CADPS2: variants seen among roughly 807,000 people sequenced by gnomAD.
CADPS2 encodes the protein calcium-dependent secretion activator 2.
CADPS2 carries 93 observed loss-of-function variants against 172.5 expected under a neutral mutation model. That is an observed-to-expected ratio of 0.54 (90% CI 0.46 to 0.64). CADPS2 has a LOEUF of 0.64. CADPS2 is among the 30% of genes least tolerant of loss of function. The probability of loss-of-function intolerance (pLI) is 0.00; values close to 1 mark genes in which losing one functional copy is unlikely to be tolerated. For missense variants in CADPS2, 1,420 were observed against 1,565.9 expected, an observed-to-expected ratio of 0.91 and a Z score of 1.57; for synonymous variants, 546 against 555.2, an observed-to-expected ratio of 0.98 and a Z score of 0.23.
intron 3 of CADPS2, among the ~76,000 whole-genome samples, chr7:122,654,424 G>A (rs1159975870): frequency 6.6e-6 from 1 of 152,130 alleles, no homozygotes; most frequent in Non-Finnish European, 1.5e-5. Context: ...TCTTGTTAGT[G>A]GCTAATGAAG....
rs752720281 is a variant in CADPS2, at chr7:122,451,491, GAATC to G, written c.2187-20_2187-17del. ...TCCATCAGGCCTGAAAAAAAAATCA[GAATC>G]AATAATTCATATTGATCGAACATTT... On this transcript the variant is annotated splice_polypyrimidine_tract_variant and intron_variant, in intron 14 of 29. Transcript: ENST00000449022. 2.8e-6 allele frequency: 4 copies of G among 1,408,410 alleles called. No individual in the cohort carries two copies. Among genetic ancestry groups the G allele is most frequent in the African/African-American group, 1.5e-5 (1 of 68,676 alleles). 87.2% of individuals were successfully genotyped at this position (1,408,410 alleles called of 1,614,324 possible).
chr7:122,386,193 A>G (rs2043644413), intron 24 of CADPS2: 3 of 856,248 alleles, frequency 3.5e-6, no homozygotes, highest in Non-Finnish European at 5.0e-6. Context: ...CTGAAAATAA[A>G]TTTATATAAT....
At chr7:122,327,477 C>T (rs570274561) in intron 28 of CADPS2, among the ~76,000 whole-genome samples, 4 of 151,990 alleles carry the variant, frequency 2.6e-5, no homozygotes, top group Admixed American at 6.6e-5. Flanking sequence ...ATATATTTTA[C>T]GAAGCCTAAC....
rs914017890 is a variant in CADPS2, at chr7:122,880,586, G to A, written c.339+5413C>T. On this transcript the variant is annotated intron_variant, in intron 1 of 29. Coordinates refer to ENST00000449022, the MANE Select transcript of CADPS2 (RefSeq NM_017954.11). ...TCTATATCTTCTCTTTAGAACAGCG[G>A]TTCTCAACCTTGACTGTACACTGAA... Among the ~76,000 whole-genome samples the A allele has an allele frequency of 5.3e-5, 8 of 152,210 alleles. No individual in the cohort carries two copies. In the East Asian group the frequency reaches 1.5e-3, roughly 29 times the overall value.
intron 1 of CADPS2, among the ~76,000 whole-genome samples, chr7:122,739,338 T>C (rs1036947179): frequency 2.0e-5 from 3 of 152,220 alleles, no homozygotes; most frequent in Non-Finnish European, 4.4e-5. Context: ...ACTGTGTATT[T>C]TTTCATTCAA....
intron 24 of CADPS2, among the ~76,000 whole-genome samples, chr7:122,380,529 G>A (rs1253987661): frequency 6.6e-6 from 1 of 151,576 alleles, no homozygotes; most frequent in Non-Finnish European, 1.5e-5. Flanking sequence ...CATCAACTTA[G>A]GTCTGCTTTG....
At chr7:122,425,784 A>T (rs1019358145) in intron 17 of CADPS2, among the ~76,000 whole-genome samples, 5 of 152,192 alleles carry the variant, frequency 3.3e-5, no homozygotes, top group Admixed American at 2.6e-4. Context: ...TCAAATACTG[A>T]ATCACATAAA....
intron 1 of CADPS2, among the ~76,000 whole-genome samples, chr7:122,765,326 C>CTGTATT (rs1278442403): frequency 6.6e-6 from 1 of 152,054 alleles, no homozygotes; most frequent in Non-Finnish European, 1.5e-5. Context: ...TACTGCTGAC[C>CTGTATT]TGTATTTTTA....
At chr7:122,885,196 G>A (rs1824009772) in intron 1 of CADPS2, among the ~76,000 whole-genome samples, 1 of 152,162 alleles carries the variant, frequency 6.6e-6, no homozygotes. Context: ...GGCCCCTGGG[G>A]TCTTGTTTTG....
chr7:122,868,642 T>C (rs891934823), intron 1 of CADPS2, among the ~76,000 whole-genome samples: 1 of 152,138 alleles, frequency 6.6e-6, no homozygotes, highest in Non-Finnish European at 1.5e-5. Flanking sequence ...TCTTATCTAA[T>C]GCACAGAAAC....
chr7:122,831,250 G>A (rs567503557), intron 1 of CADPS2, among the ~76,000 whole-genome samples: 1 of 152,290 alleles, frequency 6.6e-6, no homozygotes, highest in South Asian at 2.1e-4. Flanking sequence ...CAAGAAAGGT[G>A]TAAGCAACTA....
At position 122,547,242 on chromosome 7, in the gene CADPS2, C is replaced by T. The variant is rs1000921292; in HGVS notation, c.1475+7308G>A. Among the ~76,000 whole-genome samples the T allele has an allele frequency of 3.9e-5, 6 of 152,108 alleles. No homozygotes were observed. In the South Asian group the frequency reaches 1.2e-3, roughly 32 times the overall value. On this transcript the variant is annotated intron_variant, in intron 8 of 29. Coordinates refer to ENST00000449022, the MANE Select transcript of CADPS2 (RefSeq NM_017954.11). ...TCTAAGAATAAATGTTGACAGGCAA[C>T]AAGCCTCCCTGCAGACAGTAATTAA...
At chr7:122,507,792 TATG>T (rs1480506925) in intron 9 of CADPS2, among the ~76,000 whole-genome samples, 2 of 152,052 alleles carry the variant, frequency 1.3e-5, no homozygotes, top group African/African-American at 4.8e-5. Context: ...TTTCAACTAG[TATG>T]GTGGTGGAGA....
chr7:122,736,998 A>G lies in CADPS2; in HGVS notation c.410T>C (p.Val137Ala). The G allele has an allele frequency of 1.2e-6, 2 of 1,612,802 alleles. No individual in the cohort carries two copies. Among genetic ancestry groups the G allele is most frequent in the Non-Finnish European group, 1.7e-6 (2 of 1,178,930 alleles). Residue 137 changes from valine to alanine, a missense_variant, in exon 2 of 30, where the codon GTA (valine) becomes GCA (alanine). By Grantham distance (64) the Val-to-Ala change is moderately conservative (BLOSUM62 0). Transcript: ENST00000449022. The stretch of plus-strand genomic sequence containing the variant: ...TGCGTTGCAAAATGCTTCGTCAGCT[A>G]CAATTTGGGTTTCCCCATTGAGGAA... ...QAFLNGETQIVADEAFCNAVR... is the reference protein window; with the variant it reads ...QAFLNGETQIAADEAFCNAVR...
chr7:122,849,366 C>G (rs1812899075), intron 1 of CADPS2, among the ~76,000 whole-genome samples: 1 of 152,156 alleles, frequency 6.6e-6, no homozygotes, highest in Non-Finnish European at 1.5e-5. Flanking sequence ...TTTTACCAAG[C>G]CTCTTTTAAA....
intron 1 of CADPS2, among the ~76,000 whole-genome samples, chr7:122,880,069 G>A (rs1213220730): frequency 6.6e-6 from 1 of 152,054 alleles, no homozygotes; most frequent in African/African-American, 2.4e-5. Context: ...AAACCTGTAC[G>A]CATTACTACT....
chr7:122,431,930 TG>T (rs1221191850), intron 17 of CADPS2, among the ~76,000 whole-genome samples: 1 of 9,808 alleles, frequency 1.0e-4, no homozygotes, highest in Non-Finnish European at 2.0e-4. Flanking sequence ...GGGGCGGGGG[TG>T]GGGGTGGGGA....
chr7:122,345,055 C>G (rs1019066228), intron 28 of CADPS2, among the ~76,000 whole-genome samples: 1 of 151,810 alleles, frequency 6.6e-6, no homozygotes, highest in African/African-American at 2.4e-5. Flanking sequence ...CCCCGCCATC[C>G]CCCCGGCCCA....
intron 1 of CADPS2, among the ~76,000 whole-genome samples, chr7:122,737,468 C>T (rs1038479429): frequency 6.6e-6 from 1 of 152,198 alleles, no homozygotes; most frequent in African/African-American, 2.4e-5. Flanking sequence ...GCCTTGGCCT[C>T]CCAGTGTGCT....
Sources: gnomAD v4.1 joint callset for allele counts (sites outside exome capture counted in the v4.1 genomes callset) on GRCh38, gnomAD v4.1.1 for gene constraint, MANE v1.5 for transcripts, NCBI Gene and HGNC (gene_info 2026-07-23, HGNC 2026-07-21) for gene names.